PRKG1: variants seen among roughly 807,000 people sequenced by gnomAD.
The protein encoded by PRKG1 is protein kinase cGMP-dependent 1, also known as cGMP-dependent protein kinase 1.
Under a neutral mutation model 88.1 loss-of-function variants are expected in PRKG1, and 35 were observed. The ratio of observed to expected loss-of-function variants is 0.40; its 90% CI spans 0.30 to 0.53. The LOEUF is 0.53. PRKG1 is among the 20% of genes least tolerant of loss of function. PRKG1 has a pLI of 0.59. For missense variants in PRKG1, 540 were observed against 839.8 expected (o/e 0.64, Z 4.41); for synonymous variants, 303 against 292.5 (o/e 1.04, Z -0.37).
At chr10:51,560,342 T>C (rs1808205341) in intron 3 of PRKG1, among the ~76,000 whole-genome samples, 1 of 152,138 alleles carries the variant, frequency 6.6e-6, no homozygotes, top group South Asian at 2.1e-4. Flanking sequence ...GCCAAGCTAA[T>C]TTCTAGAACA....
At chr10:51,681,325 T>C (rs933425986) in intron 3 of PRKG1, among the ~76,000 whole-genome samples, 6 of 152,158 alleles carry the variant, frequency 3.9e-5, no homozygotes, top group Admixed American at 6.5e-5. Context: ...TTTAAATCAA[T>C]GATGTAGTGG....
intron 3 of PRKG1, among the ~76,000 whole-genome samples, chr10:51,771,963 C>T (rs1308337854): frequency 6.6e-6 from 1 of 152,032 alleles, no homozygotes; most frequent in Non-Finnish European, 1.5e-5. Context: ...ATTAGAAATT[C>T]AGAATTGATT....
intron 3 of PRKG1, among the ~76,000 whole-genome samples, chr10:51,728,783 T>C (rs1385872894): frequency 6.6e-6 from 1 of 152,164 alleles, no homozygotes; most frequent in Non-Finnish European, 1.5e-5. Flanking sequence ...AGGTATCAAA[T>C]ATTGATGCTT....
At chr10:51,039,751 C>T (rs76430209) in intron 1 of PRKG1, among the ~76,000 whole-genome samples, 431 of 152,176 alleles carry the variant, frequency 2.8e-3, no homozygotes, top group African/African-American at 1.0e-2. Flanking sequence ...GTCCTTAATT[C>T]ATTTTGATGT....
chr10:51,866,154 GAT>G (rs919444887), intron 4 of PRKG1, among the ~76,000 whole-genome samples: 1 of 151,532 alleles, frequency 6.6e-6, no homozygotes, highest in African/African-American at 2.4e-5. Context: ...TTGCTTATGA[GAT>G]ATATTAATTT....
At chr10:51,335,543 T>C (rs945470799) in intron 2 of PRKG1, among the ~76,000 whole-genome samples, 3 of 152,140 alleles carry the variant, frequency 2.0e-5, no homozygotes, top group South Asian at 4.1e-4. Flanking sequence ...CTACATATTT[T>C]TTTTTTGAGA....
intron 7 of PRKG1, among the ~76,000 whole-genome samples, chr10:52,112,980 C>A (rs1847599620): frequency 6.6e-6 from 1 of 152,106 alleles, no homozygotes; most frequent in Non-Finnish European, 1.5e-5. Flanking sequence ...GAATTTGCAT[C>A]CATGCTGTGT....
intron 10 of PRKG1, among the ~76,000 whole-genome samples, chr10:52,260,468 C>A (rs188491808): frequency 3.6e-4 from 55 of 152,208 alleles, no homozygotes; most frequent in Non-Finnish European, 7.5e-4. Flanking sequence ...TGTTTCATTT[C>A]AACTCATTTT....
chr10:51,751,471 G>T (rs560598077), intron 3 of PRKG1, among the ~76,000 whole-genome samples: 1 of 152,006 alleles, frequency 6.6e-6, no homozygotes, highest in African/African-American at 2.4e-5. Flanking sequence ...CAAGTTATCC[G>T]CCTGCATCTG....
rs1056935302 is a variant in PRKG1, at chr10:51,302,080, G to A, written c.478+148750G>A. On this transcript the variant is annotated intron_variant, in intron 2 of 17. Transcript: ENST00000373980. ...GAACCACAGTGTTAGCTATGTCCTT[G>A]TTCCATTTAGTCTGTAAATCCACTG... is the stretch of plus-strand genomic sequence containing the variant. 2.5e-4 allele frequency among the ~76,000 whole-genome samples: 38 copies of A among 152,218 alleles called. 1 individual carries two copies. The highest frequency in any genetic ancestry group is 2.3e-3 in the Admixed American group (35 of 15,286).
chr10:51,949,644 T>C (rs1256257267), intron 5 of PRKG1, among the ~76,000 whole-genome samples: 2 of 152,042 alleles, frequency 1.3e-5, no homozygotes, highest in Non-Finnish European at 2.9e-5. Flanking sequence ...TTGGCTAGAG[T>C]ACAGCCTGAT....
At chr10:51,607,283 A>C (rs1838791455) in intron 3 of PRKG1, among the ~76,000 whole-genome samples, 1 of 152,212 alleles carries the variant, frequency 6.6e-6, no homozygotes, top group Admixed American at 6.5e-5. Flanking sequence ...GTCCTTAGTA[A>C]GTCCAATCCA....
chr10:52,162,484 A>G (rs1239997718), intron 9 of PRKG1, among the ~76,000 whole-genome samples: 2 of 152,136 alleles, frequency 1.3e-5, no homozygotes, highest in East Asian at 3.9e-4. Flanking sequence ...ATGTTTTTTG[A>G]CAAAGATTTA....
In PRKG1 at chr10:52,102,181, T is replaced by C. The variant is rs551180333; in HGVS notation, c.936-31659T>C. On this transcript the variant is annotated intron_variant, in intron 7 of 17. Coordinates refer to ENST00000373980, the MANE Select transcript of PRKG1 (RefSeq NM_006258.4). ...AAACAACTGCCTTTTTACAGTTTTTTTTGTTTTGTTTTTTGTTGTTTACAT... is the reference window on the plus strand; with the variant it reads ...AAACAACTGCCTTTTTACAGTTTTTCTTGTTTTGTTTTTTGTTGTTTACAT... Among the ~76,000 whole-genome samples, 43 of 152,138 alleles carry C rather than the reference T, an allele frequency of 2.8e-4. No individual in the cohort carries two copies. In the South Asian group the frequency reaches 6.4e-3, roughly 23 times the overall value.
chr10:51,826,170 A>G (rs1839877257), intron 4 of PRKG1, among the ~76,000 whole-genome samples: 1 of 152,170 alleles, frequency 6.6e-6, no homozygotes, highest in Admixed American at 6.5e-5. Flanking sequence ...CTGTGGTAGT[A>G]CATTTAACAG....
intron 2 of PRKG1, among the ~76,000 whole-genome samples, chr10:51,332,855 G>C (rs1187148102): frequency 6.6e-6 from 1 of 152,222 alleles, no homozygotes; most frequent in African/African-American, 2.4e-5. Flanking sequence ...GCAGCCTTCT[G>C]TTGGTCTCTC....
At chr10:51,798,352 G>A (rs1444930151) in intron 3 of PRKG1, among the ~76,000 whole-genome samples, 1 of 151,936 alleles carries the variant, frequency 6.6e-6, no homozygotes, top group African/African-American at 2.4e-5. Context: ...ATCCTAATTG[G>A]TGTAAAGTGC....
intron 3 of PRKG1, among the ~76,000 whole-genome samples, chr10:51,700,773 C>A (rs1221889045): frequency 6.6e-6 from 1 of 152,132 alleles, no homozygotes; most frequent in African/African-American, 2.4e-5. Context: ...TTTTAAATCT[C>A]ATTTTTTATT....
At chr10:52,029,272 A>T (rs1458242963) in intron 5 of PRKG1, among the ~76,000 whole-genome samples, 1 of 152,178 alleles carries the variant, frequency 6.6e-6, no homozygotes, top group Admixed American at 6.5e-5. Context: ...AATGTTCACA[A>T]ATGAATTTCT....
Sources: allele counts gnomAD v4.1 joint callset (sites outside exome capture counted in the v4.1 genomes callset), GRCh38; gene constraint gnomAD v4.1.1; transcripts MANE v1.5; gene names NCBI Gene and HGNC (gene_info 2026-07-23, HGNC 2026-07-21).